The following OSBPL10 variants were observed in gnomAD, a reference collection of about 807,000 sequenced individuals.
OSBPL10 encodes the protein oxysterol-binding protein-related protein 10.
Under a neutral mutation model 81.7 loss-of-function variants are expected in OSBPL10, and 49 were observed. That is an observed-to-expected ratio of 0.60 (90% confidence interval 0.48 to 0.76). The LOEUF is 0.76. OSBPL10 is among the 30% of genes least tolerant of loss of function. The probability of loss-of-function intolerance (pLI) is 0.00; values close to 1 mark genes in which losing one functional copy is unlikely to be tolerated. For missense variants in OSBPL10, 923 were observed against 987.8 expected (o/e 0.93, Z 0.88); for synonymous variants, 419 against 383.6 (o/e 1.09, Z -1.08).
intron 1 of OSBPL10, among the ~76,000 whole-genome samples, chr3:31,955,669 A>G (rs547581161): frequency 9.2e-5 from 14 of 152,304 alleles, no homozygotes; most frequent in Non-Finnish European, 1.8e-4. Context: ...TTTAGCCATC[A>G]TCTCCATGCA....
chr3:31,674,681 C>A (rs1457708641), intron 8 of OSBPL10, among the ~76,000 whole-genome samples: 1 of 152,150 alleles, frequency 6.6e-6, no homozygotes, highest in Admixed American at 6.5e-5. Flanking sequence ...CCATGTGACC[C>A]CCACACAGGG....
chr3:31,833,693 GCA>G (rs751246163), intron 3 of OSBPL10, among the ~76,000 whole-genome samples: 3 of 132,876 alleles, frequency 2.3e-5, no homozygotes, highest in Non-Finnish European at 3.2e-5. Flanking sequence ...GGGAAAACAC[GCA>G]CACGCACACG....
intron 1 of OSBPL10, among the ~76,000 whole-genome samples, chr3:31,924,326 G>C (rs868227359): frequency 1.3e-5 from 2 of 152,150 alleles, no homozygotes; most frequent in African/African-American, 4.8e-5. Context: ...AAGAGTACGT[G>C]GTCCATGGCC....
At chr3:31,912,523 CTTAGAATGAAATGGTAAG>C (rs565005964) in intron 1 of OSBPL10, among the ~76,000 whole-genome samples, 5 of 152,106 alleles carry the variant, frequency 3.3e-5, no homozygotes, top group Non-Finnish European at 7.3e-5. Context: ...TTTCTAAACT[CTTAGAATGAAATGGTAAG>C]TTAAGGCACC....
chr3:31,844,453 T>G (rs1255233878), intron 3 of OSBPL10, among the ~76,000 whole-genome samples: 1 of 152,186 alleles, frequency 6.6e-6, no homozygotes, highest in Non-Finnish European at 1.5e-5. Context: ...ATCCATACAA[T>G]GGAATATTCA....
rs538946513 is a variant in OSBPL10, at chr3:31,724,477, A to C, written c.1095+8780T>G. On this transcript the variant is annotated intron_variant, in intron 6 of 11. Transcript: ENST00000396556. ...GTCGAAACCCATTAAAAGCCCCAGC[A>C]CATATCCTACTGGCCATAGCAAAGG... Among the ~76,000 whole-genome samples the C allele has an allele frequency of 2.0e-5, 3 of 152,350 alleles. No homozygotes were observed. The East Asian group carries it at 5.8e-4, about 29-fold the overall frequency.
chr3:31,729,503 C>T (rs764665010), intron 6 of OSBPL10, among the ~76,000 whole-genome samples: 1 of 152,178 alleles, frequency 6.6e-6, no homozygotes, highest in Non-Finnish European at 1.5e-5. Flanking sequence ...CTCACTGCAA[C>T]CTCTGCCTCC....
intron 2 of OSBPL10, among the ~76,000 whole-genome samples, chr3:32,041,890 C>T (rs538846258): frequency 6.6e-6 from 1 of 152,264 alleles, no homozygotes; most frequent in South Asian, 2.1e-4. Context: ...GAACTCCTGA[C>T]CTCAGGTGAT....
chr3:31,695,027 T>G (rs1280746169), intron 7 of OSBPL10, among the ~76,000 whole-genome samples: 1 of 152,226 alleles, frequency 6.6e-6, no homozygotes, highest in African/African-American at 2.4e-5. Context: ...GTGCTGGAAT[T>G]ACAGGCACAA....
intron 11 of OSBPL10, chr3:31,662,835 A>G: frequency 1.0e-6 from 1 of 985,458 alleles, no homozygotes. Flanking sequence ...TCAAGCTACT[A>G]GCTCCCTCAA....
chr3:31,708,901 G>A (rs1478606401), intron 6 of OSBPL10: 2 of 985,370 alleles, frequency 2.0e-6, no homozygotes, highest in African/African-American at 3.5e-5. Context: ...CCTTCAGCTG[G>A]TGTCTGGTAT....
intron 4 of OSBPL10, among the ~76,000 whole-genome samples, chr3:31,752,114 C>G (rs1375186707): frequency 2.6e-5 from 4 of 152,168 alleles, no homozygotes; most frequent in Non-Finnish European, 4.4e-5. Context: ...GTTCCTTCTC[C>G]CCTTCAAGGT....
intron 3 of OSBPL10, among the ~76,000 whole-genome samples, chr3:31,838,327 G>C (rs527486023): frequency 2.0e-5 from 3 of 152,052 alleles, no homozygotes; most frequent in African/African-American, 7.2e-5. Context: ...TGGCTAACAC[G>C]GTGAAACCCC....
intron 3 of OSBPL10, among the ~76,000 whole-genome samples, chr3:31,838,928 C>A (rs941697976): frequency 6.6e-5 from 10 of 152,136 alleles, no homozygotes; most frequent in African/African-American, 2.4e-4. Context: ...AGACTACACC[C>A]CGCATAGCAT....
At chr3:31,876,091 T>G (rs555007791) in intron 3 of OSBPL10, among the ~76,000 whole-genome samples, 20 of 152,124 alleles carry the variant, frequency 1.3e-4, no homozygotes, top group Admixed American at 1.2e-3. Flanking sequence ...GCTACTAGAT[T>G]TACGAACTGT....
chr3:31,943,689 C>T (rs919127372), intron 1 of OSBPL10, among the ~76,000 whole-genome samples: 6 of 152,046 alleles, frequency 3.9e-5, no homozygotes, highest in African/African-American at 9.7e-5. Flanking sequence ...CTTCAGAGGC[C>T]GGGCACAGTG....
chr3:32,025,870 G>C (rs1699400458), intron 2 of OSBPL10, among the ~76,000 whole-genome samples: 1 of 152,058 alleles, frequency 6.6e-6, no homozygotes, highest in Non-Finnish European at 1.5e-5. Flanking sequence ...AGAGCCATCA[G>C]GCTTTCTTGA....
At chr3:31,766,388 G>T (rs1263223323) in intron 4 of OSBPL10, among the ~76,000 whole-genome samples, 1 of 144,428 alleles carries the variant, frequency 6.9e-6, no homozygotes, top group Non-Finnish European at 1.5e-5. Context: ...CACCACCCAA[G>T]CTAGAGTGCA....
At chr3:31,847,330 G>A (rs2125567621) in intron 3 of OSBPL10, among the ~76,000 whole-genome samples, 1 of 152,214 alleles carries the variant, frequency 6.6e-6, no homozygotes, top group Middle Eastern at 3.4e-3. Flanking sequence ...CTAAGAAGCT[G>A]GGAGTACAGG....
Sources: gnomAD v4.1 joint callset for allele counts (sites outside exome capture counted in the v4.1 genomes callset) on GRCh38, gnomAD v4.1.1 for gene constraint, MANE v1.5 for transcripts, NCBI Gene and HGNC (gene_info 2026-07-23, HGNC 2026-07-21) for gene names.